The following SYNE1 variants were observed in gnomAD, a reference collection of about 807,000 sequenced individuals.
The protein encoded by SYNE1 is spectrin repeat containing nuclear envelope protein 1, also known as nesprin-1.
A neutral mutation model predicts 1,111.0 loss-of-function variants in SYNE1; 616 were observed. That is an observed-to-expected ratio of 0.55 (90% confidence interval 0.52 to 0.59). SYNE1 has a LOEUF of 0.59. SYNE1 is among the 20% of genes least tolerant of loss of function. The pLI is 0.00. For missense variants in SYNE1, 10,006 were observed against 10,417.0 expected (o/e 0.96, Z 1.72); for synonymous variants, 3,855 against 3,825.8 (o/e 1.01, Z -0.28).
chr6:152,440,661 G>A (rs761549082), intron 32 of SYNE1, among the ~76,000 whole-genome samples: 31 of 143,626 alleles, frequency 2.2e-4, no homozygotes, highest in African/African-American at 7.5e-4. Flanking sequence ...TCTGCCTCCC[G>A]GGTTCAAGCG....
chr6:152,167,399 TG>T (rs2063889205), intron 130 of SYNE1, among the ~76,000 whole-genome samples: 2 of 152,166 alleles, frequency 1.3e-5, no homozygotes, highest in Admixed American at 1.3e-4. Flanking sequence ...AAATTACCAT[TG>T]GGTAAATCCT....
intron 91 of SYNE1, 45 bp from the exon 92 acceptor site, chr6:152,302,108 A>G (rs1338457548): frequency 1.2e-6 from 2 of 1,612,414 alleles, no homozygotes; most frequent in East Asian, 2.2e-5. Flanking sequence ...CAGCATCAAA[A>G]GGAAACAGAA....
intron 16 of SYNE1, among the ~76,000 whole-genome samples, chr6:152,467,215 A>G (rs1303748563): frequency 1.3e-5 from 2 of 152,150 alleles, no homozygotes; most frequent in African/African-American, 4.8e-5. Context: ...CATGATGAAT[A>G]CTACATTCAA....
intron 15 of SYNE1, 29 bp downstream of exon 15, chr6:152,472,272 A>G (rs770811728): frequency 4.5e-6 from 7 of 1,564,024 alleles, no homozygotes; most frequent in Non-Finnish European, 6.2e-6. Flanking sequence ...TTAAAAAGAG[A>G]CTTCCTTTAA....
intron 8 of SYNE1, among the ~76,000 whole-genome samples, chr6:152,506,204 G>T (rs2099057470): frequency 6.6e-6 from 1 of 152,106 alleles, no homozygotes; most frequent in African/African-American, 2.4e-5. Flanking sequence ...AGCTCACAAT[G>T]AATGATTTTT....
In SYNE1 at chr6:152,419,609, A is replaced by C. The variant is rs2098221423; in HGVS notation, c.5381T>G (p.Ile1794Ser). Residue 1794 changes from isoleucine to serine, a missense_variant, in exon 40 of 146, where the codon ATT (isoleucine) becomes AGT (serine). Transcript: ENST00000367255. ...GGCTACTTGATGGTCCATTATGCTA[A>C]TCTCAGAGGTAGTTTGTAATTCACT... Reference protein sequence around the residue: ...FLSELQTTSEISIMDHQVALT... With the variant: ...FLSELQTTSESSIMDHQVALT... 1.2e-6 allele frequency: 2 copies of C among 1,613,902 alleles called. No homozygotes were observed. The highest frequency in any genetic ancestry group is 3.3e-5 in the Admixed American group (2 of 59,996).
rs774655615 is a variant in SYNE1 at position 152,213,613 on chromosome 6, T to G, written c.22493A>C (p.Glu7498Ala). The G allele has an allele frequency of 1.1e-5, 18 of 1,613,934 alleles. No individual in the cohort carries two copies. Among genetic ancestry groups the G allele is most frequent in the Non-Finnish European group, 1.5e-5 (18 of 1,179,956 alleles). The change falls in exon 123 of 146, where the codon GAG becomes GCG. Residue 7498 changes from glutamate to alanine, a missense_variant and splice_region_variant. This residue lies in a region of SYNE1 where 2,182 missense variants were observed against 2,287.8 expected (regional missense o/e 0.95). Coordinates refer to ENST00000367255, the MANE Select transcript of SYNE1 (RefSeq NM_182961.4). ...QHLLEQQRAHELFQAEMFSRQ... is the reference protein window; with the variant it reads ...QHLLEQQRAHALFQAEMFSRQ... The stretch of plus-strand genomic sequence containing the variant: ...CCCAAATCTACTGATACAACTTACC[T>G]CGTGTGCTCTCTGCTGTTCCAAAAG...
intron 125 of SYNE1, 128 bp from the exon 126 acceptor site, chr6:152,206,490 C>T: frequency 1.1e-6 from 1 of 887,804 alleles, no homozygotes; most frequent in Non-Finnish European, 1.8e-6. Context: ...TGGTGCTTTG[C>T]ACATGCATGC....
At position 152,331,643 on chromosome 6, in the gene SYNE1, C is replaced by G; in HGVS notation, c.13042G>C (p.Val4348Leu). The G allele has an allele frequency of 6.2e-7, 1 of 1,614,186 alleles. No homozygotes were observed. Among genetic ancestry groups the G allele is most frequent in the Non-Finnish European group, 8.5e-7 (1 of 1,180,030 alleles). The change falls in exon 78 of 146, where the codon GTG becomes CTG. Residue 4348 changes from valine (V) to leucine (L), a missense_variant. By Grantham distance (32) the Val-to-Leu change is conservative. Transcript: ENST00000367255. ...AGCTCCTGAAATCTGGACTGCACCA[C>G]ATTTAACTCCTCCAAGTTGGTGACT... ...VSVTNLEELN[V>L]VQSRFQELME...
Position 152,378,309 on chromosome 6 carries a change from C to T in SYNE1, c.9010-1397G>A, listed in dbSNP as rs377282559. ...GTCTGATATTTGTCAAGAGATGGCC[C>T]AGATTTGTAAAGAAACCACATCCCT... On this transcript the variant is annotated intron_variant, in intron 56 of 145. Transcript: ENST00000367255. Among the ~76,000 whole-genome samples the T allele has an allele frequency of 1.0e-3, 155 of 152,220 alleles. 1 individual carries two copies. Among genetic ancestry groups the T allele is most frequent in the African/African-American group, 3.4e-3 (143 of 41,534 alleles).
Position 152,233,899 on chromosome 6 carries a change from T to C in SYNE1, c.20594A>G (p.Gln6865Arg), listed in dbSNP as rs756182749. 1 of 1,614,210 alleles carries C rather than the reference T, an allele frequency of 6.2e-7. No individual in the cohort carries two copies. The highest frequency in any genetic ancestry group is 8.5e-7 in the Non-Finnish European group (1 of 1,180,036). Residue 6865 changes from glutamine (Q) to arginine (R), a missense_variant, in exon 112 of 146, where the codon CAG (glutamine) becomes CGG (arginine). By Grantham distance (43) the Gln-to-Arg change is conservative. This residue lies in a region of SYNE1 where 2,182 missense variants were observed against 2,287.8 expected (regional missense o/e 0.95). Transcript: ENST00000367255. ...GTCCACCTTTTTTAGTCGAAGGAGC[T>C]GATTTCCAGTACTCAGAACAGATGA... is the stretch of plus-strand genomic sequence containing the variant. ...LKSSVLSTGNQLLRLKKVDTA... is the reference protein window; with the variant it reads ...LKSSVLSTGNRLLRLKKVDTA...
At chr6:152,194,011 GA>G (rs139484534) in intron 127 of SYNE1, among the ~76,000 whole-genome samples, 77,996 of 134,044 alleles carry the variant, frequency 0.58, 21,605 homozygotes, top group East Asian at 0.68. Flanking sequence ...AGACTGTCTC[GA>G]AAAAAAAAAA....
intron 3 of SYNE1, among the ~76,000 whole-genome samples, chr6:152,544,245 G>A (rs2099293596): frequency 6.6e-6 from 1 of 152,164 alleles, no homozygotes; most frequent in Admixed American, 6.6e-5. Context: ...GATAGGCTCT[G>A]ATTTAAGACC....
chr6:152,319,089 A>C, intron 84 of SYNE1, 74 bp from the exon 85 acceptor site: 1 of 1,580,502 alleles, frequency 6.3e-7, no homozygotes, highest in Non-Finnish European at 8.6e-7. Flanking sequence ...ATCTCAAATG[A>C]TGTTGACAAG....
At chr6:152,297,808 TGTGTGTGTGTGTGTGCGC>T (rs1177951586) in intron 93 of SYNE1, among the ~76,000 whole-genome samples, 21 of 103,144 alleles carry the variant, frequency 2.0e-4, no homozygotes, top group South Asian at 7.1e-4. Context: ...TGTGTGTGTG[TGTGTGTGTGTGTGTGCGC>T]GCGCACGTGG....
chr6:152,323,324 G>A (rs894960215), intron 82 of SYNE1, among the ~76,000 whole-genome samples, 154 bp downstream of exon 82: 15 of 152,306 alleles, frequency 9.8e-5, no homozygotes, highest in Non-Finnish European at 1.8e-4. Flanking sequence ...TGTAGTCCCA[G>A]CTACTCAGAG....
intron 90 of SYNE1, among the ~76,000 whole-genome samples, chr6:152,309,523 T>C (rs1364707656): frequency 1.3e-5 from 2 of 152,226 alleles, no homozygotes; most frequent in Admixed American, 1.3e-4. Context: ...TATCAGTTTG[T>C]AGATGATTCT....
intron 125 of SYNE1, among the ~76,000 whole-genome samples, chr6:152,206,967 T>C (rs751852572): frequency 6.6e-6 from 1 of 152,068 alleles, no homozygotes. Flanking sequence ...AGAATATTGA[T>C]GTTGGGATTA....
At position 152,213,873 on chromosome 6, in the gene SYNE1, A is replaced by G. The variant is rs968261001; in HGVS notation, c.22347-114T>C. 4.1e-6 allele frequency: 6 copies of G among 1,456,178 alleles called. No individual in the cohort carries two copies. In the Admixed American group the frequency reaches 5.5e-5, roughly 13 times the overall value. 90.2% of individuals were successfully genotyped at this position (1,456,178 alleles called of 1,614,324 possible). ...GCTCAATTCTAATTGAACCACCACAAAGCTTTCATGTCAGGTGGTAAAATT... is the reference window on the plus strand; with the variant it reads ...GCTCAATTCTAATTGAACCACCACAGAGCTTTCATGTCAGGTGGTAAAATT... On this transcript the variant is annotated intron_variant, in intron 122 of 145. Coordinates refer to ENST00000367255, the MANE Select transcript of SYNE1 (RefSeq NM_182961.4).
Sources: gnomAD v4.1 joint callset for allele counts (sites outside exome capture counted in the v4.1 genomes callset) on GRCh38, gnomAD v4.1.1 for gene constraint, gnomAD v4.1.1 regional missense constraint, MANE v1.5 for transcripts, NCBI Gene and HGNC (gene_info 2026-07-23, HGNC 2026-07-21) for gene names.